Variants in MAX observed in about 807,000 individuals in gnomAD.
MAX encodes protein max.
MAX carries 3 observed loss-of-function variants against 22.3 expected under a neutral mutation model. That is an observed-to-expected ratio of 0.13 (90% CI 0.06 to 0.35). The LOEUF (loss-of-function observed/expected upper bound fraction) is 0.35, where lower values mean the gene tolerates loss of function less well. Among genes scored for constraint, MAX ranks in the 10% least tolerant of loss-of-function variants. MAX has a pLI of 1.00. For missense variants in MAX, 119 were observed against 209.4 expected (o/e 0.57, Z 2.66); for synonymous variants, 72 against 77.7 (o/e 0.93, Z 0.39).
In MAX at chr14:65,088,918, A is replaced by G. The variant is rs1299958695; in HGVS notation, c.171+4790T>C. 2.6e-5 allele frequency among the ~76,000 whole-genome samples: 4 copies of G among 151,566 alleles called. No individual in the cohort carries two copies. Among genetic ancestry groups the G allele is most frequent in the Non-Finnish European group, 5.9e-5 (4 of 67,558 alleles). On this transcript the variant is annotated intron_variant, in intron 3 of 4. Transcript: ENST00000358664. This position sits in a 1 kb window ranked among gnomAD's most constrained non-coding sequence, Gnocchi z 5.2. ...TCATGTTCCCTGCCATAAGGGAACT[A>G]TTATATTTGGTTTCAACATCTACCT...
Position 65,093,682 on chromosome 14 carries a change from C to A in MAX, c.171+26G>T, listed in dbSNP as rs2139881605. 2 of 1,240,916 alleles carry A rather than the reference C, an allele frequency of 1.6e-6. No homozygotes were observed. The highest frequency in any genetic ancestry group is 2.4e-6 in the Non-Finnish European group (2 of 838,828). The allele number at this position is 1,240,916 out of a possible 1,614,324, so 76.9% of individuals were successfully genotyped here. A position where few individuals can be genotyped will look rare whatever the true frequency, so the allele number is the denominator to read the frequency against. On this transcript the variant is annotated intron_variant, in intron 3 of 4. Coordinates refer to ENST00000358664, the MANE Select transcript of MAX (RefSeq NM_002382.5). This position sits in a 1 kb window ranked among gnomAD's most constrained non-coding sequence, Gnocchi z 4.4. Reference sequence around the variant, plus strand: ...CAAGTTCCAAGCTAGTAGTGGCCAGCTACTCAGCTTTCTCAGGAAACTCAC... The same window carrying A: ...CAAGTTCCAAGCTAGTAGTGGCCAGATACTCAGCTTTCTCAGGAAACTCAC...
intron 3 of MAX, among the ~76,000 whole-genome samples, chr14:65,038,349 G>C (rs1169287849): frequency 6.6e-6 from 1 of 151,858 alleles, no homozygotes. Context: ...GGCAGAGGTT[G>C]CAGTGAGCCG....
Position 65,061,462 on chromosome 14 carries a change from A to G in MAX, c.171+32246T>C, listed in dbSNP as rs140955587. 42 of 1,333,532 alleles carry G rather than the reference A, an allele frequency of 3.1e-5. No individual in the cohort carries two copies. In the African/African-American group the frequency reaches 4.0e-4, roughly 13 times the overall value. 82.6% of individuals were successfully genotyped at this position (1,333,532 alleles called of 1,614,324 possible). On this transcript the variant is annotated intron_variant, in intron 3 of 3. Coordinates refer to the MAX transcript ENST00000341653. ...GGTACTTTCTTGTCAAACAAAACCA[A>G]TGGCTCTGGGTTTGGAGAACACAGT...
chr14:65,092,028 T>C (rs2063522473), intron 3 of MAX, among the ~76,000 whole-genome samples: 1 of 152,142 alleles, frequency 6.6e-6, no homozygotes, highest in East Asian at 1.9e-4. Context: ...ACCTTTAACT[T>C]CCTTGAAGAA....
chr14:65,081,519 A>G (rs545406603), intron 3 of MAX, among the ~76,000 whole-genome samples: 1 of 152,090 alleles, frequency 6.6e-6, no homozygotes, highest in Non-Finnish European at 1.5e-5. Flanking sequence ...CCAGCAAGAA[A>G]CCCTGGGATT....
chr14:65,040,926 A>G, intron 3 of MAX: 2 of 1,613,260 alleles, frequency 1.2e-6, no homozygotes, highest in South Asian at 1.1e-5. Flanking sequence ...ATTAGTAAGT[A>G]TCTTTTGAGC....
intron 3 of MAX, chr14:65,053,493 C>T (rs1298995657): frequency 1.3e-5 from 9 of 697,662 alleles, no homozygotes; most frequent in Non-Finnish European, 1.6e-5. Flanking sequence ...TGGGAAAAAG[C>T]ACCCAGTTGG....
At chr14:65,101,473 C>T in intron 2 of MAX, 73 bp downstream of exon 2, 1 of 1,335,206 alleles carries the variant, frequency 7.5e-7, no homozygotes. Flanking sequence ...AGTACGATCT[C>T]TTTTTCTCTC....
At chr14:65,026,794 G>C (rs550576124) in intron 3 of MAX, among the ~76,000 whole-genome samples, 2 of 151,846 alleles carry the variant, frequency 1.3e-5, no homozygotes, top group Non-Finnish European at 2.9e-5. Context: ...CCTGGGAGAC[G>C]GATGCTGCAA....
chr14:65,053,948 A>G (rs2062670791), intron 3 of MAX, among the ~76,000 whole-genome samples: 1 of 152,136 alleles, frequency 6.6e-6, no homozygotes, highest in Admixed American at 6.5e-5. Context: ...AAGTGTATCA[A>G]TTTATCATTA....
intron 3 of MAX, among the ~76,000 whole-genome samples, chr14:65,024,602 G>A (rs553497091): frequency 7.2e-5 from 11 of 152,248 alleles, no homozygotes; most frequent in Admixed American, 2.0e-4. Context: ...CCTTGCTGAC[G>A]TTAAAGAAAA....
intron 3 of MAX, chr14:65,090,194 C>G (rs1174085984): frequency 2.0e-5 from 3 of 152,150 alleles, no homozygotes; most frequent in African/African-American, 4.8e-5. Context: ...TAGGCCTATC[C>G]AGGGGAAGCT....
intron 3 of MAX, among the ~76,000 whole-genome samples, chr14:65,034,245 A>G (rs969477554): frequency 6.6e-6 from 1 of 152,178 alleles, no homozygotes; most frequent in African/African-American, 2.4e-5. Flanking sequence ...AGCTTGCTAC[A>G]CAGCAGGCAT....
rs2062046771 is a variant in MAX at position 65,029,874 on chromosome 14, C to G, written c.172-23590G>C. On this transcript the variant is annotated intron_variant, in intron 3 of 3. Transcript: ENST00000341653. The surrounding 1 kb of genome is among the most constrained non-coding windows in gnomAD (Gnocchi z 4.7). ...ATGGACTGTAGTGTTCCAATAAAAG[C>G]CCTCTGGTTTCAGGGCTGGAGGGAG... Among the ~76,000 whole-genome samples, 1 of 152,092 alleles carries G rather than the reference C, an allele frequency of 6.6e-6. No homozygotes were observed. The highest frequency in any genetic ancestry group is 1.5e-5 in the Non-Finnish European group (1 of 68,010).
chr14:65,086,665 G>T (rs564431463), intron 3 of MAX, among the ~76,000 whole-genome samples: 1 of 152,214 alleles, frequency 6.6e-6, no homozygotes. Context: ...GGTGACTTGG[G>T]TGCTGTAAAA....
chr14:65,101,642 G>C (rs751434336), intron 1 of MAX, 70 bp from the exon 2 acceptor site: 1 of 1,209,922 alleles, frequency 8.3e-7, no homozygotes, highest in African/African-American at 1.5e-5. Flanking sequence ...TCAATAATAA[G>C]AAAGAAAATG....
intron 3 of MAX, among the ~76,000 whole-genome samples, chr14:65,049,615 A>G (rs1338034186): frequency 2.0e-5 from 3 of 152,170 alleles, no homozygotes; most frequent in African/African-American, 7.2e-5. Context: ...GAAACAGTCT[A>G]TAGTTTTTTA....
At chr14:65,037,831 A>G (rs2062247962) in intron 3 of MAX, among the ~76,000 whole-genome samples, 1 of 149,308 alleles carries the variant, frequency 6.7e-6, no homozygotes, top group African/African-American at 2.5e-5. Context: ...CCCAGGCTGG[A>G]GTGCGGTGGT....
At chr14:65,015,860 A>G (rs548831190) in intron 3 of MAX, 3 of 798,198 alleles carry the variant, frequency 3.8e-6, no homozygotes, top group African/African-American at 3.5e-5. Flanking sequence ...ACCTCCGGCA[A>G]CTTCCTGAAA....
Sources: gnomAD v4.1 joint callset for allele counts (sites outside exome capture counted in the v4.1 genomes callset) on GRCh38, gnomAD v4.1.1 for gene constraint, Gnocchi (gnomAD v3.1) non-coding constraint, MANE v1.5 for transcripts, NCBI Gene and HGNC (gene_info 2026-07-23, HGNC 2026-07-21) for gene names.